The following ZNF644 variants were observed in gnomAD, a reference collection of about 807,000 sequenced individuals.
ZNF644 encodes zinc finger motif enhancer binding protein 2.
ZNF644 carries 20 observed loss-of-function variants against 108.0 expected under a neutral mutation model. That is an observed-to-expected ratio of 0.19 (90% confidence interval 0.13 to 0.27). The LOEUF is 0.27. Among genes scored for constraint, ZNF644 ranks in the 10% least tolerant of loss-of-function variants. The probability of loss-of-function intolerance (pLI) is 1.00; values close to 1 mark genes in which losing one functional copy is unlikely to be tolerated. For synonymous variants in ZNF644, 542 were observed against 539.1 expected, an observed-to-expected ratio of 1.01 and a Z score of -0.08; for missense variants, 1,338 against 1,548.9, an observed-to-expected ratio of 0.86 and a Z score of 2.29.
chr1:90,933,283 T>C (rs1401867277), intron 4 of ZNF644, among the ~76,000 whole-genome samples: 1 of 152,170 alleles, frequency 6.6e-6, no homozygotes, highest in Non-Finnish European at 1.5e-5. Context: ...TAAAGTCTAA[T>C]TTAGGCCTAA....
chr1:90,956,593 A>T (rs1354762786), intron 2 of ZNF644, among the ~76,000 whole-genome samples: 1 of 152,112 alleles, frequency 6.6e-6, no homozygotes. Context: ...AAAAAAGAAG[A>T]TGTCAAATTA....
At chr1:90,959,024 T>C (rs754758865) in intron 2 of ZNF644, among the ~76,000 whole-genome samples, 1 of 152,120 alleles carries the variant, frequency 6.6e-6, no homozygotes, top group Non-Finnish European at 1.5e-5. Flanking sequence ...TTGAATATAT[T>C]TGAAATATAT....
intron 1 of ZNF644, chr1:91,020,991 T>C (rs897265220): frequency 2.6e-5 from 4 of 152,214 alleles, no homozygotes; most frequent in Non-Finnish European, 5.9e-5. Flanking sequence ...AAGAAAACTT[T>C]TCCACTAATG....
chr1:90,918,877 G>A (rs781301681), intron 4 of ZNF644, among the ~76,000 whole-genome samples: 1 of 151,562 alleles, frequency 6.6e-6, no homozygotes, highest in South Asian at 2.1e-4. Context: ...ATTATCTCAC[G>A]TAAGTTTACA....
At chr1:90,950,399 T>G (rs1653022834) in intron 2 of ZNF644, among the ~76,000 whole-genome samples, 1 of 150,850 alleles carries the variant, frequency 6.6e-6, no homozygotes, top group Admixed American at 6.6e-5. Flanking sequence ...TTGTTAGTAG[T>G]TTTTTTAATT....
chr1:90,953,571 A>G (rs144567027), intron 2 of ZNF644, among the ~76,000 whole-genome samples: 8 of 152,270 alleles, frequency 5.3e-5, no homozygotes, highest in Admixed American at 5.2e-4. Context: ...ACTGTTGTCA[A>G]TTAATTACAC....
intron 2 of ZNF644, among the ~76,000 whole-genome samples, chr1:90,973,839 G>T (rs142033238): frequency 8.0e-4 from 122 of 152,228 alleles, no homozygotes; most frequent in African/African-American, 2.7e-3. Flanking sequence ...AATATCAAGA[G>T]AAAGTGACTT....
At chr1:90,992,515 G>A (rs1657742628) in intron 1 of ZNF644, among the ~76,000 whole-genome samples, 1 of 152,144 alleles carries the variant, frequency 6.6e-6, no homozygotes, top group Non-Finnish European at 1.5e-5. Flanking sequence ...CAGACCTGAT[G>A]TATGAAACAA....
chr1:91,015,488 C>T (rs1353468451), intron 1 of ZNF644, among the ~76,000 whole-genome samples: 1 of 151,902 alleles, frequency 6.6e-6, no homozygotes. Flanking sequence ...CTTCTCTCTA[C>T]TAATAGTCAC....
chr1:91,017,370 A>G (rs1660517850), intron 1 of ZNF644, among the ~76,000 whole-genome samples: 1 of 152,200 alleles, frequency 6.6e-6, no homozygotes, highest in African/African-American at 2.4e-5. Flanking sequence ...CAGAAGAGGT[A>G]GGGCCAAGAT....
intron 4 of ZNF644, among the ~76,000 whole-genome samples, chr1:90,932,521 C>A (rs1650850763): frequency 6.6e-6 from 1 of 151,980 alleles, no homozygotes; most frequent in African/African-American, 2.4e-5. Flanking sequence ...AAAAATGATG[C>A]CTGTTACTCA....
chr1:90,920,811 T>A (rs925021606), intron 4 of ZNF644, among the ~76,000 whole-genome samples: 1 of 152,040 alleles, frequency 6.6e-6, no homozygotes, highest in Non-Finnish European at 1.5e-5. Flanking sequence ...ATTCACAAAG[T>A]TAAAATATTA....
chr1:91,019,932 A>AT (rs1660749618), intron 1 of ZNF644, among the ~76,000 whole-genome samples: 1 of 152,210 alleles, frequency 6.6e-6, no homozygotes, highest in Admixed American at 6.5e-5. Context: ...ATTAACAAGT[A>AT]TTCTCAATAA....
chr1:90,996,272 A>C (rs1658136724), intron 1 of ZNF644, among the ~76,000 whole-genome samples: 1 of 152,242 alleles, frequency 6.6e-6, no homozygotes, highest in Non-Finnish European at 1.5e-5. Flanking sequence ...AAAAATTTCA[A>C]AATAAGAACC....
At chr1:90,986,776 T>G (rs1657147201) in intron 1 of ZNF644, among the ~76,000 whole-genome samples, 1 of 151,744 alleles carries the variant, frequency 6.6e-6, no homozygotes, top group South Asian at 2.1e-4. Flanking sequence ...ATATAAAAGG[T>G]AGGTCACAAA....
intron 2 of ZNF644, among the ~76,000 whole-genome samples, chr1:90,942,006 C>A (rs542863140): frequency 5.9e-5 from 9 of 152,030 alleles, no homozygotes; most frequent in Non-Finnish European, 8.8e-5. Context: ...TCAAATTAAC[C>A]TTAACTATAA....
intron 2 of ZNF644, among the ~76,000 whole-genome samples, chr1:90,977,382 TTGAC>T (rs1656120875): frequency 6.6e-6 from 1 of 152,154 alleles, no homozygotes; most frequent in Non-Finnish European, 1.5e-5. Context: ...TTAAATAACT[TTGAC>T]TGTAATACCT....
At position 90,916,841 on chromosome 1, in the gene ZNF644, G is replaced by A; in HGVS notation, c.3941C>T (p.Thr1314Ile). 6.2e-7 allele frequency: 1 copy of A among 1,614,184 alleles called. No individual in the cohort carries two copies. The highest frequency in any genetic ancestry group is 1.3e-5 in the African/African-American group (1 of 75,066). ...CATTAGTAGAGAAAATGAAGTTTCT[G>A]TAATGGAGGCAGGCTTTTTAAGTAG... Reference protein sequence around the residue: ...TSLLKKPASITETSFSLLMAE... With the variant: ...TSLLKKPASIIETSFSLLMAE... The change falls in exon 6 of 6, where the codon ACA (threonine) becomes ATA (isoleucine). Residue 1314 changes from threonine (T) to isoleucine (I), a missense_variant. By Grantham distance (89) the Thr-to-Ile change is moderately conservative (BLOSUM62 -1). Around this residue, in one of 6 missense-constraint regions of ZNF644, gnomAD observed 34 missense variants for 78.6 expected, o/e 0.43. Transcript: ENST00000337393.
chr1:90,919,460 T>G (rs1034560118), intron 4 of ZNF644, among the ~76,000 whole-genome samples: 1 of 152,130 alleles, frequency 6.6e-6, no homozygotes, highest in Non-Finnish European at 1.5e-5. Context: ...CTTAGTCAAA[T>G]GGCAATGATA....
Sources: gnomAD v4.1 joint callset for allele counts (sites outside exome capture counted in the v4.1 genomes callset) on GRCh38, gnomAD v4.1.1 for gene constraint, gnomAD v4.1.1 regional missense constraint, MANE v1.5 for transcripts, NCBI Gene and HGNC (gene_info 2026-07-23, HGNC 2026-07-21) for gene names.